The following RNASE12 variants were observed in gnomAD, a reference collection of about 807,000 sequenced individuals.
RNASE12 encodes the protein ribonuclease A family member 12 (inactive).
For missense variants in RNASE12, 161 were observed against 177.6 expected (o/e 0.91, Z 0.53); for synonymous variants, 55 against 59.8 (o/e 0.92, Z 0.37).
chr14:20,590,414 T>C, exon 1 of RNASE12: 1 of 1,614,248 alleles, frequency 6.2e-7, no homozygotes, highest in African/African-American at 1.3e-5. Context: ...ACTGTCATTT[T>C]GAACTTTGTC....
Position 20,590,516 on chromosome 14 carries a change from G to A in RNASE12, c.208C>T (p.His70Tyr), listed in dbSNP as rs745947294. The A allele has an allele frequency of 2.0e-5, 33 of 1,614,096 alleles. No individual in the cohort carries two copies. Among genetic ancestry groups the A allele is most frequent in the Admixed American group, 1.5e-4 (9 of 60,012 alleles). Reference sequence around the variant, plus strand: ...CCATTGATTTTTCGAGGCCTCTCATGGATGAAGACATGCTCCTTTTTACAA... The same window carrying A: ...CCATTGATTTTTCGAGGCCTCTCATAGATGAAGACATGCTCCTTTTTACAA... The change falls in exon 1 of 1, where the codon CAT (histidine) becomes TAT (tyrosine). Residue 70 changes from histidine to tyrosine, a missense_variant. Transcript: ENST00000556526.
chr14:20,590,733 G>C, exon 1 of RNASE12: 1 of 1,609,392 alleles, frequency 6.2e-7, no homozygotes, highest in Non-Finnish European at 8.5e-7. Flanking sequence ...TCAGAGGTAA[G>C]AGTGACTTCG....
chr14:20,590,260 A>C (rs1238712824), exon 1 of RNASE12: 1 of 1,608,768 alleles, frequency 6.2e-7, no homozygotes, highest in East Asian at 2.2e-5. Flanking sequence ...GAGATCTCAG[A>C]CTCGGGAGCT....
rs761538839 is a variant in RNASE12, at chr14:20,590,661, T to C, written c.63A>G (p.Glu21=). 7 of 1,614,224 alleles carry C rather than the reference T, an allele frequency of 4.3e-6. No homozygotes were observed. The East Asian group carries it at 8.9e-5, about 21-fold the overall frequency. The change falls in exon 1 of 1, where the codon GAA becomes GAG. Residue 21 remains glutamate, a synonymous_variant. Coordinates refer to ENST00000556526, the Ensembl canonical transcript of RNASE12. Reference sequence around the variant, plus strand: ...AGTGTTCTAAAGTTGACATCACTGCTTCATCATTCACCTCATTTTCCCAGA... The same window carrying C: ...AGTGTTCTAAAGTTGACATCACTGCCTCATCATTCACCTCATTTTCCCAGA...
chr14:20,591,265 T>C (rs938320903), upstream of RNASE12: 1 of 985,148 alleles, frequency 1.0e-6, no homozygotes, highest in Non-Finnish European at 1.2e-6. Flanking sequence ...TCACCTGTCA[T>C]TTTTCTGGTC....
At chr14:20,590,637 G>A (rs376606148) in exon 1 of RNASE12, 83 of 1,614,124 alleles carry the variant, frequency 5.1e-5, no homozygotes, top group Non-Finnish European at 6.8e-5. Context: ...CCACATGCAA[G>A]TGTTCTAAAG....
At chr14:20,590,257 C>A in exon 1 of RNASE12, 1 of 1,608,010 alleles carries the variant, frequency 6.2e-7, no homozygotes, top group East Asian at 2.2e-5. Context: ...GAAGAGATCT[C>A]AGACTCGGGA....
At chr14:20,591,111 T>G, upstream of RNASE12, 1 of 985,434 alleles carries the variant, frequency 1.0e-6, no homozygotes, top group Non-Finnish European at 1.2e-6. Flanking sequence ...TTCATATTGC[T>G]GAATAACCTT....
chr14:20,590,749 T>C (rs540447003), exon 1 of RNASE12: 1 of 1,603,900 alleles, frequency 6.2e-7, no homozygotes, highest in South Asian at 1.1e-5. Flanking sequence ...CTTCGCATCT[T>C]TGGCTTTGAC....
upstream of RNASE12, chr14:20,590,968 T>C: frequency 7.2e-7 from 1 of 1,380,602 alleles, no homozygotes; most frequent in Non-Finnish European, 9.4e-7. Flanking sequence ...GGTACTGAGC[T>C]GTTCTCTAAA....
rs1477111216 is a variant in RNASE12 at position 20,590,454 on chromosome 14, G to GTT, written c.268_269dup (p.Asn90LysfsTer17). ...TCTGAAAGCAGAAAATGGCCGAAAGGTTTTGGCAAGCAACCTTCTTGGGAG... is the reference window on the plus strand; with the variant it reads ...TCTGAAAGCAGAAAATGGCCGAAAGGTTTTTTGGCAAGCAACCTTCTTGGGAG... On this transcript the variant is annotated frameshift_variant, in exon 1 of 1. Transcript: ENST00000556526. LOFTEE classifies it low-confidence loss of function (END_TRUNC). 1.2e-6 allele frequency: 2 copies of GTT among 1,614,070 alleles called. No individual in the cohort carries two copies. Among genetic ancestry groups the GTT allele is most frequent in the Non-Finnish European group, 1.7e-6 (2 of 1,180,054 alleles).
At chr14:20,590,094 G>T (rs1026669806), downstream of RNASE12, 2 of 1,158,762 alleles carry the variant, frequency 1.7e-6, no homozygotes, top group East Asian at 2.6e-5. Context: ...ATTCAGTAAA[G>T]ATTATTTTAT....
exon 1 of RNASE12, chr14:20,590,530 T>C: frequency 6.2e-7 from 1 of 1,614,230 alleles, no homozygotes; most frequent in Non-Finnish European, 8.5e-7. Context: ...GAAGACATGC[T>C]CCTTTTTACA....
chr14:20,590,901 G>A, upstream of RNASE12: 20 of 1,436,710 alleles, frequency 1.4e-5, no homozygotes, highest in Non-Finnish European at 1.7e-5. Flanking sequence ...GCAAGATCCA[G>A]CTGGAGGCAT....
Position 20,590,519 on chromosome 14 carries a change from T to G in RNASE12, c.205A>C (p.Ile69Leu), listed in dbSNP as rs1040410300. 2.5e-6 allele frequency: 4 copies of G among 1,614,154 alleles called. No individual in the cohort carries two copies. The African/African-American group carries it at 5.3e-5, about 22-fold the overall frequency. ...TTGATTTTTCGAGGCCTCTCATGGA[T>G]GAAGACATGCTCCTTTTTACAAGTG... The change falls in exon 1 of 1, where the codon ATC becomes CTC. Residue 69 changes from isoleucine to leucine, a missense_variant. By Grantham distance (5) the Ile-to-Leu change is conservative. Coordinates refer to ENST00000556526, the Ensembl canonical transcript of RNASE12.
At position 20,590,387 on chromosome 14, in the gene RNASE12, C is replaced by T. The variant is rs537065237; in HGVS notation, c.337G>A (p.Gly113Ser). Residue 113 changes from glycine to serine, a missense_variant, in exon 1 of 1, where the codon GGC becomes AGC. Physicochemically the swap from Gly to Ser is moderately conservative, Grantham distance 56. Coordinates refer to ENST00000556526, the Ensembl canonical transcript of RNASE12. ...TACCTGCAGGCAGGGTATCTTGTGC[C>T]TTCAATGAGCTGACAGACTGTCATT... The T allele has an allele frequency of 5.0e-6, 8 of 1,614,212 alleles. No individual in the cohort carries two copies. The African/African-American group carries it at 8.0e-5, about 16-fold the overall frequency.
chr14:20,590,375 G>A, exon 1 of RNASE12: 4 of 1,614,142 alleles, frequency 2.5e-6, no homozygotes, highest in Non-Finnish European at 3.4e-6. Context: ...CTGCAGGCAG[G>A]GTATCTTGTG....
exon 1 of RNASE12, chr14:20,590,193 C>T (rs1464465571): frequency 4.5e-6 from 7 of 1,539,376 alleles, no homozygotes; most frequent in Non-Finnish European, 6.1e-6. Context: ...GGCATTGCCC[C>T]ATGTCCACGG....
chr14:20,591,362 C>A, upstream of RNASE12: 1 of 917,476 alleles, frequency 1.1e-6, no homozygotes, highest in Non-Finnish European at 1.3e-6. Flanking sequence ...TGATAGAGAG[C>A]CTGTTGTTGA....
Sources: gnomAD v4.1 joint callset for allele counts on GRCh38, gnomAD v4.1.1 for gene constraint, MANE v1.5 for transcripts, NCBI Gene and HGNC (gene_info 2026-07-23, HGNC 2026-07-21) for gene names.